The following LRRTM4 variants were observed in gnomAD, a reference collection of about 807,000 sequenced individuals.
LRRTM4 encodes leucine rich repeat transmembrane neuronal 4.
Under a neutral mutation model 47.6 loss-of-function variants are expected in LRRTM4, and 25 were observed. The ratio of observed to expected loss-of-function variants is 0.53; its 90% CI spans 0.38 to 0.73. The LOEUF (loss-of-function observed/expected upper bound fraction) is 0.73. Ranked by LOEUF, LRRTM4 falls within the 30% of genes least tolerant of loss-of-function variation. The pLI, the probability that LRRTM4 is intolerant of heterozygous loss-of-function variation, is 0.00. For synonymous variants in LRRTM4, 311 were observed against 269.5 expected (o/e 1.15, Z -1.51); for missense variants, 638 against 713.4 (o/e 0.89, Z 1.20).
At chr2:76,851,441 G>T in intron 3 of LRRTM4, among the ~76,000 whole-genome samples, 1 of 152,228 alleles carries the variant, frequency 6.6e-6, no homozygotes, top group South Asian at 2.1e-4. Flanking sequence ...CCTTAAAATT[G>T]GGTTTGTATT....
intron 3 of LRRTM4, among the ~76,000 whole-genome samples, chr2:77,434,673 G>T (rs1016151647): frequency 4.6e-5 from 7 of 152,098 alleles, no homozygotes; most frequent in African/African-American, 1.7e-4. Flanking sequence ...TCAGTACTTT[G>T]CATGCATTAT....
intron 3 of LRRTM4, among the ~76,000 whole-genome samples, chr2:77,452,086 A>G (rs945264359): frequency 1.3e-5 from 2 of 152,172 alleles, no homozygotes; most frequent in African/African-American, 4.8e-5. Context: ...AGAGGAGTTC[A>G]GATTTCACAT....
intron 3 of LRRTM4, among the ~76,000 whole-genome samples, chr2:77,455,911 A>G (rs541196840): frequency 6.6e-6 from 1 of 151,896 alleles, no homozygotes; most frequent in Non-Finnish European, 1.5e-5. Context: ...TCTCTCCAAA[A>G]CCCCTTTGCC....
At chr2:76,923,736 T>C (rs933305582) in intron 3 of LRRTM4, among the ~76,000 whole-genome samples, 8 of 152,150 alleles carry the variant, frequency 5.3e-5, no homozygotes, top group African/African-American at 1.9e-4. Context: ...AGATTTTGTT[T>C]TCTTTGATGC....
At chr2:77,159,523 G>GAAA (rs374578663) in intron 3 of LRRTM4, among the ~76,000 whole-genome samples, 20 of 110,738 alleles carry the variant, frequency 1.8e-4, no homozygotes, top group African/African-American at 5.3e-4. Flanking sequence ...AAGTATAATG[G>GAAA]AAAAAAAAAA....
chr2:77,369,550 G>A (rs1275224752), intron 3 of LRRTM4, among the ~76,000 whole-genome samples: 1 of 151,728 alleles, frequency 6.6e-6, no homozygotes, highest in African/African-American at 2.4e-5. Flanking sequence ...TGCTGGGGTG[G>A]TGAGTAGATA....
chr2:76,882,069 T>C (rs1413525294), intron 3 of LRRTM4, among the ~76,000 whole-genome samples: 1 of 152,162 alleles, frequency 6.6e-6, no homozygotes, highest in African/African-American at 2.4e-5. Flanking sequence ...AAATCCTTTC[T>C]CCATAACACT....
intron 3 of LRRTM4, among the ~76,000 whole-genome samples, chr2:77,399,393 A>G (rs1400651665): frequency 1.3e-5 from 2 of 151,770 alleles, no homozygotes; most frequent in African/African-American, 2.4e-5. Context: ...CACAAATACT[A>G]CATGATCTCA....
intron 3 of LRRTM4, among the ~76,000 whole-genome samples, chr2:77,394,979 A>T (rs1673646720): frequency 6.6e-6 from 1 of 151,928 alleles, no homozygotes; most frequent in Non-Finnish European, 1.5e-5. Flanking sequence ...GCTTATCTTG[A>T]GGCCAGTGCT....
chr2:77,454,050 A>G (rs1676367967), intron 3 of LRRTM4, among the ~76,000 whole-genome samples: 1 of 152,306 alleles, frequency 6.6e-6, no homozygotes, highest in Non-Finnish European at 1.5e-5. Context: ...CTCCTCTCAT[A>G]ACGCCAGACA....
Position 76,982,677 on chromosome 2 carries a change from G to A in LRRTM4, c.1552-233761C>T, listed in dbSNP as rs116323858. ...AAATGGAGAGACAGGTATCCATTCC[G>A]GAGCTGTACAAGCAAAGTCTGAAAG... On this transcript the variant is annotated intron_variant, in intron 3 of 3. Transcript: ENST00000409884. Among the ~76,000 whole-genome samples the A allele has an allele frequency of 8.6e-3, 1,304 of 152,020 alleles. 22 individuals are homozygous for A. Among genetic ancestry groups the A allele is most frequent in the African/African-American group, 0.029 (1,223 of 41,480 alleles).
At chr2:77,017,767 A>G (rs1678119588) in intron 3 of LRRTM4, among the ~76,000 whole-genome samples, 1 of 150,682 alleles carries the variant, frequency 6.6e-6, no homozygotes, top group Admixed American at 6.6e-5. Context: ...AGGAATGACT[A>G]TGTGAATTGT....
intron 3 of LRRTM4, among the ~76,000 whole-genome samples, chr2:77,277,285 GA>G (rs1337822304): frequency 2.0e-5 from 3 of 151,046 alleles, no homozygotes. Flanking sequence ...GTATAGCAAT[GA>G]AAAATACTTT....
intron 3 of LRRTM4, among the ~76,000 whole-genome samples, chr2:77,371,808 A>G (rs1672666062): frequency 6.6e-6 from 1 of 151,700 alleles, no homozygotes; most frequent in Non-Finnish European, 1.5e-5. Flanking sequence ...CTACTCACAC[A>G]GTCAAAATGT....
intron 3 of LRRTM4, among the ~76,000 whole-genome samples, chr2:76,975,006 T>C (rs1558772424): frequency 6.6e-6 from 1 of 151,784 alleles, no homozygotes. Flanking sequence ...AGTGATTAGC[T>C]ATCTATAAAT....
intron 3 of LRRTM4, among the ~76,000 whole-genome samples, chr2:77,076,882 AAT>A (rs1680353885): frequency 1.3e-5 from 2 of 152,148 alleles, no homozygotes; most frequent in African/African-American, 4.8e-5. Flanking sequence ...TAAGTACTAA[AAT>A]TTACATCAGT....
intron 3 of LRRTM4, among the ~76,000 whole-genome samples, chr2:77,397,748 C>T (rs1673758174): frequency 6.6e-6 from 1 of 151,858 alleles, no homozygotes; most frequent in Non-Finnish European, 1.5e-5. Flanking sequence ...ACTGAATGTA[C>T]TGTCCTCTTA....
Position 77,510,046 on chromosome 2 carries a change from C to G in LRRTM4, c.1551+8272G>C, listed in dbSNP as rs185706063. ...TATGGTGACCATACTAAAAAAGACT[C>G]AAACCTAATTAATGTGTATTTACAT... On this transcript the variant is annotated intron_variant, in intron 3 of 3. Transcript: ENST00000409884. Among the ~76,000 whole-genome samples, 9 of 152,120 alleles carry G rather than the reference C, an allele frequency of 5.9e-5. No homozygotes were observed. The East Asian group carries it at 1.7e-3, about 29-fold the overall frequency.
intron 3 of LRRTM4, among the ~76,000 whole-genome samples, chr2:77,134,652 A>T (rs1329680891): frequency 1.3e-5 from 2 of 152,150 alleles, no homozygotes; most frequent in African/African-American, 2.4e-5. Flanking sequence ...TTACTATTTT[A>T]GTTCTTACTT....
Sources: allele counts gnomAD v4.1 joint callset (sites outside exome capture counted in the v4.1 genomes callset), GRCh38; gene constraint gnomAD v4.1.1; transcripts MANE v1.5; gene names NCBI Gene and HGNC (gene_info 2026-07-23, HGNC 2026-07-21).